The following FSTL5 variants were observed in gnomAD, a reference collection of about 807,000 sequenced individuals.
The protein encoded by FSTL5 is follistatin like 5, also known as follistatin-related protein 5.
Under a neutral mutation model 89.1 loss-of-function variants are expected in FSTL5, and 62 were observed. The ratio of observed to expected loss-of-function variants is 0.70; its 90% confidence interval spans 0.57 to 0.86. FSTL5 has a LOEUF of 0.86. Ranked by LOEUF, FSTL5 falls within the 40% of genes least tolerant of loss-of-function variation. The pLI is 0.00. For missense variants in FSTL5, 1,057 were observed against 1,001.6 expected (o/e 1.06, Z -0.75); for synonymous variants, 383 against 346.2 (o/e 1.11, Z -1.18).
At chr4:161,955,913 T>C (rs1358177172) in intron 3 of FSTL5, among the ~76,000 whole-genome samples, 1 of 151,790 alleles carries the variant, frequency 6.6e-6, no homozygotes, top group Non-Finnish European at 1.5e-5. Flanking sequence ...AATTTTTGCT[T>C]TTTTGACACT....
intron 3 of FSTL5, among the ~76,000 whole-genome samples, chr4:162,003,594 CT>C: frequency 6.6e-6 from 1 of 152,258 alleles, no homozygotes; most frequent in Admixed American, 6.5e-5. Context: ...TAGTGTTTTA[CT>C]CACAACGAAT....
chr4:161,896,625 A>C (rs1005776130), intron 4 of FSTL5, among the ~76,000 whole-genome samples: 1 of 152,214 alleles, frequency 6.6e-6, no homozygotes, highest in Non-Finnish European at 1.5e-5. Flanking sequence ...ACAGGTGTGG[A>C]AGCTGATAAC....
intron 1 of FSTL5, among the ~76,000 whole-genome samples, chr4:162,122,474 C>T (rs1192765982): frequency 6.6e-6 from 1 of 152,050 alleles, no homozygotes; most frequent in African/African-American, 2.4e-5. Flanking sequence ...CTTGTAGTTT[C>T]TTTTTCCACC....
At chr4:161,734,780 C>T (rs1459982528) in intron 6 of FSTL5, among the ~76,000 whole-genome samples, 3 of 152,132 alleles carry the variant, frequency 2.0e-5, no homozygotes, top group African/African-American at 7.2e-5. Context: ...GGCTTTTCCT[C>T]ATGCACCAAG....
intron 1 of FSTL5, 83 bp from the exon 2 acceptor site, chr4:162,111,495 T>G (rs990901955): frequency 9.2e-7 from 1 of 1,089,018 alleles, no homozygotes; most frequent in African/African-American, 1.6e-5. Flanking sequence ...TAATATCACA[T>G]ATAAATCTCC....
In FSTL5 at chr4:162,022,030, G is replaced by A. The variant is rs530463938; in HGVS notation, c.160+11595C>T. On this transcript the variant is annotated intron_variant, in intron 3 of 15. Transcript: ENST00000306100. ...TGTTGGAACCTGGGAGGCAGAGATT[G>A]CAGTGGGCCGAGATTGCACCAGTGC... is the stretch of plus-strand genomic sequence containing the variant. 2.0e-4 allele frequency among the ~76,000 whole-genome samples: 31 copies of A among 151,748 alleles called. No individual in the cohort carries two copies. In the South Asian group the frequency reaches 6.4e-3, roughly 32 times the overall value.
chr4:161,757,266 C>T (rs888261088), intron 6 of FSTL5, among the ~76,000 whole-genome samples: 1 of 152,102 alleles, frequency 6.6e-6, no homozygotes, highest in African/African-American at 2.4e-5. Context: ...ATTTCCAAAA[C>T]TAAATATCGT....
At chr4:161,746,923 C>G (rs1226182456) in intron 6 of FSTL5, among the ~76,000 whole-genome samples, 1 of 152,148 alleles carries the variant, frequency 6.6e-6, no homozygotes, top group African/African-American at 2.4e-5. Context: ...CCCCCCATAG[C>G]AGAAAAGCAC....
intron 4 of FSTL5, among the ~76,000 whole-genome samples, chr4:161,844,168 G>T (rs1272630060): frequency 6.6e-6 from 1 of 152,136 alleles, no homozygotes; most frequent in African/African-American, 2.4e-5. Context: ...AGACATATAT[G>T]CAGCCAATAA....
chr4:162,018,818 C>G (rs1278768210), intron 3 of FSTL5, among the ~76,000 whole-genome samples: 1 of 152,056 alleles, frequency 6.6e-6, no homozygotes, highest in Non-Finnish European at 1.5e-5. Flanking sequence ...TTCTGTCTTG[C>G]ATATCAGTGT....
At chr4:161,828,844 A>G (rs1220231031) in intron 4 of FSTL5, among the ~76,000 whole-genome samples, 1 of 152,036 alleles carries the variant, frequency 6.6e-6, no homozygotes, top group Admixed American at 6.6e-5. Flanking sequence ...TGCTTTATAA[A>G]TGCAACCTGC....
In FSTL5 at chr4:161,458,702, C is replaced by A. The variant is rs894249539; in HGVS notation, c.1716+510G>T. Among the ~76,000 whole-genome samples, 3 of 152,134 alleles carry A rather than the reference C, an allele frequency of 2.0e-5. No homozygotes were observed. In the East Asian group the frequency reaches 5.8e-4, roughly 29 times the overall value. On this transcript the variant is annotated intron_variant, in intron 14 of 15. Coordinates refer to ENST00000306100, the MANE Select transcript of FSTL5 (RefSeq NM_020116.5). The stretch of plus-strand genomic sequence containing the variant: ...TAAGGACTGCTCCAAAGGGTCATGA[C>A]CAAAATGCAGATTTTCTTTTTCTGT...
intron 2 of FSTL5, among the ~76,000 whole-genome samples, chr4:162,100,832 T>A (rs1406740106): frequency 6.6e-6 from 1 of 152,154 alleles, no homozygotes; most frequent in African/African-American, 2.4e-5. Context: ...CTAAAAATAA[T>A]GTTTGTTTTA....
intron 15 of FSTL5, among the ~76,000 whole-genome samples, chr4:161,400,029 T>A (rs1377342442): frequency 6.6e-6 from 1 of 152,142 alleles, no homozygotes; most frequent in African/African-American, 2.4e-5. Context: ...AATAGACTAG[T>A]ATCTAAATCT....
At chr4:162,072,816 G>A (rs541122328) in intron 2 of FSTL5, among the ~76,000 whole-genome samples, 24 of 151,778 alleles carry the variant, frequency 1.6e-4, no homozygotes, top group Non-Finnish European at 2.8e-4. Flanking sequence ...CATATAAATC[G>A]GTAGACCAAG....
At chr4:161,967,796 T>C (rs1014856524) in intron 3 of FSTL5, among the ~76,000 whole-genome samples, 7 of 151,926 alleles carry the variant, frequency 4.6e-5, no homozygotes, top group Non-Finnish European at 8.8e-5. Flanking sequence ...AGTTCACATA[T>C]TTTATGTTTT....
At chr4:161,825,018 G>T (rs1447692411) in intron 4 of FSTL5, among the ~76,000 whole-genome samples, 4 of 152,078 alleles carry the variant, frequency 2.6e-5, no homozygotes, top group Admixed American at 2.0e-4. Flanking sequence ...GTGTAATGTT[G>T]GCTGTGGGGT....
At chr4:162,016,928 T>C (rs549391519) in intron 3 of FSTL5, among the ~76,000 whole-genome samples, 6 of 152,326 alleles carry the variant, frequency 3.9e-5, no homozygotes, top group South Asian at 2.1e-4. Flanking sequence ...ATATCTGTAG[T>C]CTTGATTGAA....
chr4:161,752,480 C>G (rs933867359), intron 6 of FSTL5, among the ~76,000 whole-genome samples: 1 of 152,180 alleles, frequency 6.6e-6, no homozygotes, highest in African/African-American at 2.4e-5. Context: ...TTACATCCAA[C>G]CTCTCAATCA....
Sources: gnomAD v4.1 joint callset for allele counts (sites outside exome capture counted in the v4.1 genomes callset) on GRCh38, gnomAD v4.1.1 for gene constraint, MANE v1.5 for transcripts, NCBI Gene and HGNC (gene_info 2026-07-23, HGNC 2026-07-21) for gene names.